LRRTM4: variants seen among roughly 807,000 people sequenced by gnomAD.
The protein encoded by LRRTM4 is leucine-rich repeat transmembrane neuronal protein 4.
A neutral mutation model predicts 47.6 loss-of-function variants in LRRTM4; 25 were observed. That is an observed-to-expected ratio of 0.53 (90% CI 0.38 to 0.73). The LOEUF is 0.73. Among genes scored for constraint, LRRTM4 ranks in the 30% least tolerant of loss-of-function variants. The probability of loss-of-function intolerance (pLI) is 0.00; values close to 1 mark genes in which losing one functional copy is unlikely to be tolerated. For missense variants in LRRTM4, 638 were observed against 713.4 expected, an observed-to-expected ratio of 0.89 and a Z score of 1.20; for synonymous variants, 311 against 269.5, an observed-to-expected ratio of 1.15 and a Z score of -1.51.
intron 3 of LRRTM4, among the ~76,000 whole-genome samples, chr2:76,950,108 T>C (rs117938183): frequency 6.6e-6 from 1 of 151,932 alleles, no homozygotes; most frequent in African/African-American, 2.4e-5. Flanking sequence ...GTGGTAATGG[T>C]GACACATAGG....
chr2:76,873,147 C>T (rs562084797), intron 3 of LRRTM4, among the ~76,000 whole-genome samples: 4 of 152,114 alleles, frequency 2.6e-5, no homozygotes, highest in Admixed American at 1.3e-4. Flanking sequence ...ATGACATAAA[C>T]GGTACACAAA....
Position 77,348,461 on chromosome 2 carries a change from T to C in LRRTM4, c.1551+169857A>G, listed in dbSNP as rs139093382. On this transcript the variant is annotated intron_variant, in intron 3 of 3. Coordinates refer to ENST00000409884, the MANE Select transcript of LRRTM4 (RefSeq NM_001134745.3). ...TATACACACATTTAATATTATAAAA[T>C]AAAATTTTATAAGCTTATATAATTT... Among the ~76,000 whole-genome samples, 719 of 150,714 alleles carry C rather than the reference T, an allele frequency of 4.8e-3. 6 individuals are homozygous for C. The highest frequency in any genetic ancestry group is 0.016 in the African/African-American group (666 of 41,380).
At position 77,360,503 on chromosome 2, in the gene LRRTM4, ATACGATACG is replaced by A. The variant is rs1672157453; in HGVS notation, c.1551+157806_1551+157814del. Among the ~76,000 whole-genome samples the A allele has an allele frequency of 2.7e-5, 4 of 150,324 alleles. No individual in the cohort carries two copies. In the South Asian group the frequency reaches 6.3e-4, roughly 24 times the overall value. On this transcript the variant is annotated intron_variant, in intron 3 of 3. Coordinates refer to ENST00000409884, the MANE Select transcript of LRRTM4 (RefSeq NM_001134745.3). ...ATACGATACGATACGATACGATACG[ATACGATACG>A]ATACGATACGATACGATACGATACA...
intron 3 of LRRTM4, among the ~76,000 whole-genome samples, chr2:77,171,806 G>T (rs968066564): frequency 6.6e-6 from 1 of 151,840 alleles, no homozygotes; most frequent in Non-Finnish European, 1.5e-5. Context: ...AGTCATGAAA[G>T]GCATTGCTCT....
chr2:76,837,950 G>C (rs953398276), intron 3 of LRRTM4, among the ~76,000 whole-genome samples: 22 of 151,746 alleles, frequency 1.4e-4, no homozygotes, highest in Non-Finnish European at 2.5e-4. Context: ...GTGGGGGTAG[G>C]GGGGAGGGAT....
intron 3 of LRRTM4, among the ~76,000 whole-genome samples, chr2:76,950,631 A>G (rs1032913190): frequency 4.6e-5 from 7 of 151,996 alleles, no homozygotes; most frequent in African/African-American, 1.7e-4. Context: ...AAAACTTCAG[A>G]TAATAGATTT....
chr2:77,480,837 GAGAGAGAGA>G (rs1368255771), intron 3 of LRRTM4, among the ~76,000 whole-genome samples: 59 of 52,412 alleles, frequency 1.1e-3, no homozygotes, highest in African/African-American at 4.2e-3. Context: ...GAGAGAGAGA[GAGAGAGAGA>G]GAGAGAGAGA....
At chr2:77,192,835 A>G (rs535964179) in intron 3 of LRRTM4, among the ~76,000 whole-genome samples, 1 of 152,358 alleles carries the variant, frequency 6.6e-6, no homozygotes, top group African/African-American at 2.4e-5. Flanking sequence ...GTACAATATT[A>G]GAATTTTTCG....
Position 76,868,707 on chromosome 2 carries a change from T to C in LRRTM4, c.1552-119791A>G, listed in dbSNP as rs562619611. Among the ~76,000 whole-genome samples, 33 of 152,284 alleles carry C rather than the reference T, an allele frequency of 2.2e-4. No individual in the cohort carries two copies. The South Asian group carries it at 2.3e-3, about 11-fold the overall frequency. On this transcript the variant is annotated intron_variant, in intron 3 of 3. Transcript: ENST00000409884. ...TTCAGTGGATTTGCAATAGGTAACA[T>C]GCCGGAGGAAGCCTGGTCCCTTAAA...
chr2:76,935,176 A>T lies in LRRTM4; in HGVS notation c.1552-186260T>A, dbSNP rs531149290. ...TGTAGTGTAAGTAATGGGACACAGT[A>T]TCCCAAACCTAAGTAATGGGACACA... On this transcript the variant is annotated intron_variant, in intron 3 of 3. Coordinates refer to ENST00000409884, the MANE Select transcript of LRRTM4 (RefSeq NM_001134745.3). 2.2e-4 allele frequency among the ~76,000 whole-genome samples: 34 copies of T among 152,294 alleles called. No individual in the cohort carries two copies. In the South Asian group the frequency reaches 7.0e-3, roughly 32 times the overall value.
At chr2:77,344,348 GAC>G (rs752319058) in intron 3 of LRRTM4, among the ~76,000 whole-genome samples, 11 of 151,878 alleles carry the variant, frequency 7.2e-5, no homozygotes, top group Middle Eastern at 3.4e-3. Flanking sequence ...TTGAAATAAA[GAC>G]ACAGCAAGTT....
At chr2:77,390,223 T>C (rs1262254442) in intron 3 of LRRTM4, among the ~76,000 whole-genome samples, 1 of 152,106 alleles carries the variant, frequency 6.6e-6, no homozygotes, top group Non-Finnish European at 1.5e-5. Flanking sequence ...AAAAAATGTG[T>C]GTGCTGTACT....
At chr2:76,916,978 G>A (rs1259680179) in intron 3 of LRRTM4, among the ~76,000 whole-genome samples, 1 of 152,086 alleles carries the variant, frequency 6.6e-6, no homozygotes, top group East Asian at 1.9e-4. Flanking sequence ...GAAATTTGTG[G>A]CATCTGAAGA....
At chr2:77,173,515 C>T (rs919342242) in intron 3 of LRRTM4, among the ~76,000 whole-genome samples, 9 of 152,192 alleles carry the variant, frequency 5.9e-5, no homozygotes, top group African/African-American at 2.2e-4. Flanking sequence ...TTGGGAGTCA[C>T]GGGTGGTTGA....
chr2:77,088,500 AC>A (rs1680804067), intron 3 of LRRTM4, among the ~76,000 whole-genome samples: 1 of 151,544 alleles, frequency 6.6e-6, no homozygotes, highest in Non-Finnish European at 1.5e-5. Context: ...CAGAGAACAA[AC>A]CCCCTTTGAC....
intron 3 of LRRTM4, among the ~76,000 whole-genome samples, chr2:77,103,647 G>GTGTATATATA (rs1553389655): frequency 2.4e-5 from 3 of 124,118 alleles, no homozygotes; most frequent in African/African-American, 1.0e-4. Flanking sequence ...ATACATGAGT[G>GTGTATATATA]TATATATATA....
At chr2:77,520,483 CG>C (rs1195736633) in intron 2 of LRRTM4, among the ~76,000 whole-genome samples, 2 of 152,008 alleles carry the variant, frequency 1.3e-5, no homozygotes, top group Non-Finnish European at 1.5e-5. Flanking sequence ...AATAACGGTA[CG>C]AGGTGCTCTC....
intron 3 of LRRTM4, among the ~76,000 whole-genome samples, chr2:76,852,450 G>T (rs1055624809): frequency 1.3e-5 from 2 of 152,118 alleles, no homozygotes; most frequent in Non-Finnish European, 2.9e-5. Flanking sequence ...ATCAGTAACT[G>T]TAAGTAAAAA....
chr2:77,418,722 T>G (rs527879885), intron 3 of LRRTM4, among the ~76,000 whole-genome samples: 1 of 152,148 alleles, frequency 6.6e-6, no homozygotes, highest in Non-Finnish European at 1.5e-5. Flanking sequence ...TATTTGAACT[T>G]GTTGTTCTTC....
Sources: allele counts gnomAD v4.1 joint callset (sites outside exome capture counted in the v4.1 genomes callset), GRCh38; gene constraint gnomAD v4.1.1; transcripts MANE v1.5; gene names NCBI Gene and HGNC (gene_info 2026-07-23, HGNC 2026-07-21).